Variants in ATP1A2 observed in about 807,000 individuals in gnomAD.
ATP1A2 encodes sodium/potassium-transporting ATPase subunit alpha-2.
A neutral mutation model predicts 113.1 loss-of-function variants in ATP1A2; 56 were observed. The ratio of observed to expected loss-of-function variants is 0.49; its 90% confidence interval spans 0.40 to 0.62. The LOEUF is 0.62. Ranked by LOEUF, ATP1A2 falls within the 20% of genes least tolerant of loss-of-function variation. The pLI, the probability that ATP1A2 is intolerant of heterozygous loss-of-function variation, is 0.00. For missense variants in ATP1A2, 712 were observed against 1,357.8 expected (o/e 0.52, Z 7.47); for synonymous variants, 490 against 526.8 (o/e 0.93, Z 0.96).
chr1:160,129,999 G>A, intron 11 of ATP1A2, 103 bp from the exon 12 acceptor site: 1 of 1,424,354 alleles, frequency 7.0e-7, no homozygotes, highest in South Asian at 1.2e-5. Flanking sequence ...TCTTTGATGG[G>A]TTGGGGCTAC....
intron 22 of ATP1A2, chr1:160,140,914 G>C: frequency 3.6e-6 from 1 of 280,444 alleles, no homozygotes; most frequent in South Asian, 3.4e-5. Flanking sequence ...CAGGAGTGCA[G>C]TGCAGTGGCA....
In ATP1A2 at chr1:160,135,445, G is replaced by A; in HGVS notation, c.2127G>A (p.Val709=). 4 of 1,614,224 alleles carry A rather than the reference G, an allele frequency of 2.5e-6. No homozygotes were observed. Among genetic ancestry groups the A allele is most frequent in the Non-Finnish European group, 3.4e-6 (4 of 1,180,042 alleles). Reference sequence around the variant, plus strand: ...CGTCTTCCCTCCAGGGAGCCATTGTGGCCGTGACGGGTGACGGGGTGAACG... The same window carrying A: ...CGTCTTCCCTCCAGGGAGCCATTGTAGCCGTGACGGGTGACGGGGTGAACG... The part of the protein sequence containing the change: ...VEGCQRQGAI[V]AVTGDGVNDS... The change falls in exon 16 of 23, where the codon GTG becomes GTA. Residue 709 remains valine, a synonymous_variant. Transcript: ENST00000361216. The surrounding 1 kb of genome is among the most constrained non-coding windows in gnomAD (Gnocchi z 6.3).
intron 3 of ATP1A2, among the ~76,000 whole-genome samples, chr1:160,122,419 T>G: frequency 2.3e-5 from 1 of 43,996 alleles, no homozygotes; most frequent in East Asian, 5.8e-4. Context: ...AATGAATGAA[T>G]GAAAAAAAAA....
chr1:160,140,841 A>ACCT (rs1652122829), intron 22 of ATP1A2: 6 of 100,300 alleles, frequency 6.0e-5, no homozygotes, highest in African/African-American at 3.8e-4. Flanking sequence ...CCTCCCTTTC[A>ACCT]CCTTCTTTTT....
In ATP1A2 at chr1:160,141,473, G is replaced by C. The variant is rs944679236; in HGVS notation, c.*151G>C. ...GCAACTCAGCAGGCTAAGTTGCGGGGTATATAAATTGGGGTGATGACCCCA... is the reference window on the plus strand; with the variant it reads ...GCAACTCAGCAGGCTAAGTTGCGGGCTATATAAATTGGGGTGATGACCCCA... On this transcript the variant is annotated 3_prime_UTR_variant, in exon 23 of 23. Transcript: ENST00000361216. The C allele has an allele frequency of 5.0e-6, 5 of 991,670 alleles. No homozygotes were observed. The highest frequency in any genetic ancestry group is 7.9e-6 in the Non-Finnish European group (5 of 636,228). 61.4% of individuals were successfully genotyped at this position (991,670 alleles called of 1,614,324 possible). A position where few individuals can be genotyped will look rare whatever the true frequency, so the allele number is the denominator to read the frequency against.
intron 2 of ATP1A2, 88 bp downstream of exon 2, chr1:160,121,098 C>T: frequency 6.2e-7 from 1 of 1,600,780 alleles, no homozygotes; most frequent in East Asian, 2.2e-5. Context: ...ACTCCGTGTC[C>T]CCCATGCTGC....
intron 1 of ATP1A2, among the ~76,000 whole-genome samples, chr1:160,116,322 T>C (rs1301010043): frequency 6.6e-6 from 1 of 152,074 alleles, no homozygotes; most frequent in East Asian, 1.9e-4. Context: ...ATTTTGAGGT[T>C]AGAGAGGGGC....
chr1:160,136,813 TA>T (rs1262500109), intron 19 of ATP1A2, 87 bp from the exon 20 acceptor site: 6 of 1,614,070 alleles, frequency 3.7e-6, no homozygotes, highest in South Asian at 1.1e-5. Flanking sequence ...GGACTGGGGC[TA>T]GGGGTGGATC....
chr1:160,125,987 C>T (rs1420560425), intron 7 of ATP1A2, among the ~76,000 whole-genome samples: 1 of 152,176 alleles, frequency 6.6e-6, no homozygotes, highest in Non-Finnish European at 1.5e-5. Context: ...AGAGGCCTCA[C>T]TAGACCAGTG....
At chr1:160,136,774 T>A (rs1346396866) in intron 19 of ATP1A2, 59 bp downstream of exon 19, 1 of 1,614,080 alleles carries the variant, frequency 6.2e-7, no homozygotes, top group Non-Finnish European at 8.5e-7. Context: ...GCTGAATGCC[T>A]GGCAGGAGTG....
intron 1 of ATP1A2, among the ~76,000 whole-genome samples, chr1:160,116,427 G>A (rs543950522): frequency 1.3e-4 from 19 of 151,886 alleles, no homozygotes; most frequent in Non-Finnish European, 2.5e-4. Flanking sequence ...GTGTGGGGAG[G>A]AAGAATGATG....
In ATP1A2 at chr1:160,120,942, G is replaced by C. The variant is rs1233714976; in HGVS notation, c.49G>C (p.Glu17Gln). 6.2e-7 allele frequency: 1 copy of C among 1,610,256 alleles called. No homozygotes were observed. Among genetic ancestry groups the C allele is most frequent in the Admixed American group, 1.7e-5 (1 of 59,386 alleles). ...REYSPAATTA[E>Q]NGGGKKKQKE... is the part of the protein sequence containing the mutation. Reference sequence around the variant, plus strand: ...GTACTCACCTGCCGCCACCACGGCAGAGAATGGGGGCGGCAAGAAGAAACA... The same window carrying C: ...GTACTCACCTGCCGCCACCACGGCACAGAATGGGGGCGGCAAGAAGAAACA... Residue 17 changes from glutamate to glutamine, a missense_variant, in exon 2 of 23, where the codon GAG (glutamate) becomes CAG (glutamine). By Grantham distance (29) the Glu-to-Gln change is conservative. Transcript: ENST00000361216.
intron 13 of ATP1A2, 27 bp from the exon 14 acceptor site, chr1:160,134,457 C>T: frequency 1.9e-6 from 3 of 1,614,160 alleles, no homozygotes; most frequent in Non-Finnish European, 2.5e-6. Context: ...ATACTACTTT[C>T]CTGTTGTCTC....
At chr1:160,137,177 G>A in intron 20 of ATP1A2, 146 bp downstream of exon 20, 2 of 1,352,844 alleles carry the variant, frequency 1.5e-6, no homozygotes, top group Non-Finnish European at 2.1e-6. Flanking sequence ...TCCATAGATA[G>A]GTTTCATATA....
intron 1 of ATP1A2, among the ~76,000 whole-genome samples, chr1:160,116,457 A>C (rs1651187480): frequency 6.6e-6 from 1 of 151,520 alleles, no homozygotes; most frequent in Non-Finnish European, 1.5e-5. Flanking sequence ...CCACCCCAGC[A>C]CCCCTCCGGA....
chr1:160,129,547 A>G lies in ATP1A2; in HGVS notation c.1461+147A>G, dbSNP rs534917854. 3.8e-5 allele frequency: 47 copies of G among 1,225,904 alleles called. No homozygotes were observed. In the African/African-American group the frequency reaches 6.8e-4, roughly 18 times the overall value. The allele number at this position is 1,225,904 out of a possible 1,614,324, so 75.9% of individuals were successfully genotyped here. A position where few individuals can be genotyped will look rare whatever the true frequency, so the allele number is the denominator to read the frequency against. On this transcript the variant is annotated intron_variant, in intron 11 of 22. Transcript: ENST00000361216. The stretch of plus-strand genomic sequence containing the variant: ...TGCTAAGTCCCCCAGGACAGCTCAT[A>G]TGACTGCATGTCTGATTGCAACTAG...
rs1160808835 is a variant in ATP1A2 at position 160,135,120 on chromosome 1, G to C, written c.1965-25G>C. ...CTGGTACAGGTGCCAGGGGTCAGCT[G>C]TCTCTGTCCCCACCCACCCTCCAGA... On this transcript the variant is annotated intron_variant, in intron 14 of 22. Coordinates refer to ENST00000361216, the MANE Select transcript of ATP1A2 (RefSeq NM_000702.4). The surrounding 1 kb of genome is among the most constrained non-coding windows in gnomAD (Gnocchi z 6.3). 4.3e-6 allele frequency: 7 copies of C among 1,613,688 alleles called. No homozygotes were observed. The highest frequency in any genetic ancestry group is 1.1e-5 in the South Asian group (1 of 90,958).
chr1:160,141,151 C>T lies in ATP1A2; in HGVS notation c.3035-143C>T, dbSNP rs115459521. 6.5e-3 allele frequency: 6,342 copies of T among 978,070 alleles called. 259 individuals carry two copies. The African/African-American group carries it at 0.087, about 13-fold the overall frequency. 60.6% of individuals were successfully genotyped at this position (978,070 alleles called of 1,614,324 possible). A position where few individuals can be genotyped will look rare whatever the true frequency, so the allele number is the denominator to read the frequency against. ...ATGAGCCACTGCACCCAGCCTCCTT[C>T]CACCTTCCTAAGCCACTTCCCCCAG... On this transcript the variant is annotated intron_variant, in intron 22 of 22. Coordinates refer to ENST00000361216, the MANE Select transcript of ATP1A2 (RefSeq NM_000702.4).
At chr1:160,133,216 AAGG>A (rs1248066134) in intron 13 of ATP1A2, among the ~76,000 whole-genome samples, 1 of 152,108 alleles carries the variant, frequency 6.6e-6, no homozygotes, top group Non-Finnish European at 1.5e-5. Flanking sequence ...GCAGGGTTTC[AAGG>A]AGAAGAGGTC....
Sources: gnomAD v4.1 joint callset for allele counts (sites outside exome capture counted in the v4.1 genomes callset) on GRCh38, gnomAD v4.1.1 for gene constraint, Gnocchi (gnomAD v3.1) non-coding constraint, MANE v1.5 for transcripts, NCBI Gene and HGNC (gene_info 2026-07-23, HGNC 2026-07-21) for gene names.